The following TTC39C variants were observed in gnomAD, a reference collection of about 807,000 sequenced individuals.
The protein encoded by TTC39C is tetratricopeptide repeat domain 39C.
Under a neutral mutation model 76.3 loss-of-function variants are expected in TTC39C, and 33 were observed. The observed-to-expected ratio is 0.43, with a 90% CI of 0.33 to 0.58. The LOEUF (loss-of-function observed/expected upper bound fraction) is 0.58. Ranked by LOEUF, TTC39C falls within the 20% of genes least tolerant of loss-of-function variation. The probability of loss-of-function intolerance (pLI) is 0.04; values close to 1 mark genes in which losing one functional copy is unlikely to be tolerated. For missense variants in TTC39C, 595 were observed against 701.4 expected (o/e 0.85, Z 1.71); for synonymous variants, 254 against 260.6 (o/e 0.97, Z 0.24).
chr18:24,070,256 T>C (rs2084221013), intron 4 of TTC39C, among the ~76,000 whole-genome samples: 1 of 152,238 alleles, frequency 6.6e-6, no homozygotes, highest in Non-Finnish European at 1.5e-5. Context: ...TTTTAAAATA[T>C]GTTCTATGAT....
rs141242214 is a variant in TTC39C, at chr18:23,997,669, A to G, written c.-17+4631A>G. Among the ~76,000 whole-genome samples the G allele has an allele frequency of 1.6e-3, 207 of 132,842 alleles. 3 individuals are homozygous for G. Among genetic ancestry groups the G allele is most frequent in the African/African-American group, 3.6e-3 (125 of 34,646 alleles). 87.1% of individuals were successfully genotyped at this position (132,842 alleles called of 152,430 possible). On this transcript the variant is annotated intron_variant, in intron 1 of 13. Transcript: ENST00000304621. Reference sequence around the variant, plus strand: ...GAAGGAAGGAGAAAGAAAGAAAGAAAGAAAGAAAGAAAGAAAGAAAGAAAG... The same window carrying G: ...GAAGGAAGGAGAAAGAAAGAAAGAAGGAAAGAAAGAAAGAAAGAAAGAAAG...
rs192802037 is a variant in TTC39C, at chr18:24,098,090, G to T, written c.984+15009G>T. Among the ~76,000 whole-genome samples the T allele has an allele frequency of 3.7e-3, 559 of 151,982 alleles. 4 individuals are homozygous for T. The highest frequency in any genetic ancestry group is 6.1e-3 in the Non-Finnish European group (415 of 67,972). On this transcript the variant is annotated intron_variant, in intron 6 of 13. Coordinates refer to ENST00000317571, the MANE Select transcript of TTC39C (RefSeq NM_001135993.2). ...ATATTATATTATTTTTTATCCACTT[G>T]TTCTCTCACATATATACATAACTAT...
At chr18:24,097,168 T>C (rs889851038) in intron 6 of TTC39C, among the ~76,000 whole-genome samples, 3 of 152,178 alleles carry the variant, frequency 2.0e-5, no homozygotes, top group Non-Finnish European at 2.9e-5. Flanking sequence ...TGGCTAACTT[T>C]CTTAAAACAA....
intron 4 of TTC39C, among the ~76,000 whole-genome samples, chr18:24,073,180 C>T (rs576687439): frequency 3.9e-5 from 6 of 152,334 alleles, no homozygotes; most frequent in African/African-American, 1.4e-4. Context: ...CCTCTTGCTT[C>T]CCTCTGGGCC....
chr18:24,131,208 C>A (rs1216687719), intron 12 of TTC39C, among the ~76,000 whole-genome samples: 358 of 119,356 alleles, frequency 3.0e-3, no homozygotes, highest in Middle Eastern at 3.9e-3. Context: ...GACCCTGTCT[C>A]AAAAAAAAAA....
chr18:24,112,001 T>G (rs8092106), intron 6 of TTC39C, among the ~76,000 whole-genome samples: 124,192 of 152,022 alleles, frequency 0.82, 54,557 homozygotes, highest in Non-Finnish European at 0.97. Flanking sequence ...CACTCAATGA[T>G]CAGGATAGAA....
At chr18:24,012,080 C>T (rs2083397612), upstream of TTC39C, among the ~76,000 whole-genome samples, 1 of 152,174 alleles carries the variant, frequency 6.6e-6, no homozygotes, top group Admixed American at 6.5e-5. Flanking sequence ...CTCTCCCTTG[C>T]AATGTGAATC....
intron 1 of TTC39C, among the ~76,000 whole-genome samples, chr18:24,002,412 G>C (rs927136967): frequency 1.3e-5 from 2 of 152,318 alleles, no homozygotes; most frequent in African/African-American, 4.8e-5. Context: ...ATGGTTACTT[G>C]CTCACAGAGT....
intron 4 of TTC39C, among the ~76,000 whole-genome samples, chr18:24,076,326 C>A (rs8085148): frequency 0.48 from 72,297 of 151,950 alleles, 17,788 homozygotes; most frequent in African/African-American, 0.6. Context: ...ACAGACACAG[C>A]GATAACGACA....
chr18:24,120,569 G>T (rs911277046), intron 8 of TTC39C, among the ~76,000 whole-genome samples: 18 of 152,126 alleles, frequency 1.2e-4, no homozygotes, highest in African/African-American at 4.3e-4. Flanking sequence ...TTTACCATTT[G>T]AACTTTTTTA....
rs35978012 is a variant in TTC39C at position 24,101,305 on chromosome 18, TA to T, written c.985-13231del. On this transcript the variant is annotated intron_variant, in intron 6 of 13. Transcript: ENST00000317571. The stretch of plus-strand genomic sequence containing the variant: ...TTTACAACTTGGCTTTAATTTTTCA[TA>T]AAAAAAAAAAAAAAAAACTGGCTGG... 4.5e-3 allele frequency among the ~76,000 whole-genome samples: 629 copies of T among 139,450 alleles called. 3 individuals carry two copies. The highest frequency in any genetic ancestry group is 0.012 in the African/African-American group (451 of 37,374). The allele number at this position is 139,450 out of a possible 152,430, so 91.5% of individuals were successfully genotyped here.
intron 1 of TTC39C, among the ~76,000 whole-genome samples, chr18:24,035,413 A>T (rs1470607685): frequency 2.0e-5 from 3 of 152,222 alleles, no homozygotes; most frequent in African/African-American, 4.8e-5. Context: ...CATCAGTGGT[A>T]CACAAGGGTT....
chr18:24,099,949 G>T (rs1016283441), intron 6 of TTC39C, among the ~76,000 whole-genome samples: 1 of 151,932 alleles, frequency 6.6e-6, no homozygotes, highest in Non-Finnish European at 1.5e-5. Flanking sequence ...AGACTAATTT[G>T]TGTTTTCTTA....
At chr18:24,105,392 C>T (rs1476657059) in intron 6 of TTC39C, among the ~76,000 whole-genome samples, 1 of 152,190 alleles carries the variant, frequency 6.6e-6, no homozygotes, top group Non-Finnish European at 1.5e-5. Context: ...ATCTTTATGG[C>T]TGATCATCGG....
At position 24,001,103 on chromosome 18, in the gene TTC39C, G is replaced by A. The variant is rs138626115; in HGVS notation, c.-17+8065G>A. ...TTACACAGCTGCCTTGCCTTCACTC[G>A]ATTATCCTGTCTGAAGTTTAACACA... On this transcript the variant is annotated intron_variant, in intron 1 of 13. Coordinates refer to the TTC39C transcript ENST00000304621. Among the ~76,000 whole-genome samples, 170 of 152,260 alleles carry A rather than the reference G, an allele frequency of 1.1e-3. 1 individual carries two copies. Among genetic ancestry groups the A allele is most frequent in the Non-Finnish European group, 2.0e-3 (133 of 68,016 alleles).
At chr18:24,040,968 T>C (rs2083785617) in intron 1 of TTC39C, among the ~76,000 whole-genome samples, 3 of 152,230 alleles carry the variant, frequency 2.0e-5, no homozygotes, top group Non-Finnish European at 4.4e-5. Flanking sequence ...TATGCAATGA[T>C]AGTTTAAAAT....
chr18:24,093,276 G>C (rs964386709), intron 6 of TTC39C, among the ~76,000 whole-genome samples: 2 of 152,074 alleles, frequency 1.3e-5, no homozygotes, highest in African/African-American at 2.4e-5. Flanking sequence ...TCAGGAGATC[G>C]AGACCATCCT....
rs2145837509 is a variant in TTC39C at position 24,134,174 on chromosome 18, G to A, written c.*1600G>A. On this transcript the variant is annotated 3_prime_UTR_variant, in exon 14 of 14. Transcript: ENST00000317571. ...GGTTTTAGATAATAGTAAGAGAGAAGAGATTGCTCTCCTATATTCAGTGAA... is the reference window on the plus strand; with the variant it reads ...GGTTTTAGATAATAGTAAGAGAGAAAAGATTGCTCTCCTATATTCAGTGAA... 1 of 151,744 alleles carries A rather than the reference G, an allele frequency of 6.6e-6. No homozygotes were observed. The highest frequency in any genetic ancestry group is 2.0e-4 in the East Asian group (1 of 4,898). The allele number at this position is 151,744 out of a possible 1,614,324, so 9.4% of individuals were successfully genotyped here.
chr18:24,060,228 G>A (rs1195410310), intron 1 of TTC39C, among the ~76,000 whole-genome samples: 1 of 151,738 alleles, frequency 6.6e-6, no homozygotes, highest in African/African-American at 2.4e-5. Flanking sequence ...AACCTTGCCA[G>A]CATCTGTTGT....
Sources: gnomAD v4.1 joint callset for allele counts (sites outside exome capture counted in the v4.1 genomes callset) on GRCh38, gnomAD v4.1.1 for gene constraint, MANE v1.5 for transcripts, NCBI Gene and HGNC (gene_info 2026-07-23, HGNC 2026-07-21) for gene names.